The following PPP2R5B variants were observed in gnomAD, a reference collection of about 807,000 sequenced individuals.
PPP2R5B encodes the protein serine/threonine-protein phosphatase 2A 56 kDa regulatory subunit beta isoform.
A neutral mutation model predicts 59.9 loss-of-function variants in PPP2R5B; 19 were observed. That is an observed-to-expected ratio of 0.32 (90% confidence interval 0.22 to 0.47). The LOEUF is 0.47. Ranked by LOEUF, PPP2R5B falls within the 20% of genes least tolerant of loss-of-function variation. The pLI, the probability that PPP2R5B is intolerant of heterozygous loss-of-function variation, is 1.00. For missense variants in PPP2R5B, 441 were observed against 640.2 expected, an observed-to-expected ratio of 0.69 and a Z score of 3.36; for synonymous variants, 286 against 260.5, an observed-to-expected ratio of 1.10 and a Z score of -0.94.
In PPP2R5B at chr11:64,933,229, C is replaced by T; in HGVS notation, c.1329C>T (p.Tyr443=). The stretch of plus-strand genomic sequence containing the variant: ...TGTTTGATGAGCTCACAGCCTCCTA[C>T]AAGCTGGAAAAGCAGCAGTGAGTGT... The part of the protein sequence containing the change: ...GKLFDELTAS[Y]KLEKQQEQQK... The change falls in exon 13 of 14, where the codon TAC becomes TAT. Residue 443 remains tyrosine, a synonymous_variant. Transcript: ENST00000164133. 1 of 1,610,664 alleles carries T rather than the reference C, an allele frequency of 6.2e-7. No individual in the cohort carries two copies. The highest frequency in any genetic ancestry group is 8.5e-7 in the Non-Finnish European group (1 of 1,177,110).
rs1232259732 is a variant in PPP2R5B at position 64,925,958 on chromosome 11, G to A, written c.199+25G>A. 1 of 1,602,794 alleles carries A rather than the reference G, an allele frequency of 6.2e-7. No homozygotes were observed. The highest frequency in any genetic ancestry group is 8.5e-7 in the Non-Finnish European group (1 of 1,175,354). ...GGTGAGCTGGCTGCTGGCCACTGGG[G>A]GAACCGAACCCCCGAGGGGACCAGC... On this transcript the variant is annotated intron_variant, in intron 2 of 13. Transcript: ENST00000164133. The surrounding 1 kb of genome is among the most constrained non-coding windows in gnomAD (Gnocchi z 4.6).
chr11:64,933,099 A>T (rs780169167), intron 12 of PPP2R5B, 46 bp from the exon 13 acceptor site: 1 of 1,551,386 alleles, frequency 6.4e-7, no homozygotes. Flanking sequence ...AGAGGTGGGC[A>T]AACCAAAGCT....
At position 64,925,516 on chromosome 11, in the gene PPP2R5B, G is replaced by A; in HGVS notation, c.-219G>A. The A allele has an allele frequency of 1.9e-6, 1 of 521,866 alleles. No individual in the cohort carries two copies. The highest frequency in any genetic ancestry group is 2.4e-5 in the South Asian group (1 of 41,868). The allele number at this position is 521,866 out of a possible 1,614,324, so 32.3% of individuals were successfully genotyped here. A position where few individuals can be genotyped will look rare whatever the true frequency, so the allele number is the denominator to read the frequency against. On this transcript the variant is annotated 5_prime_UTR_variant, in exon 2 of 14. Transcript: ENST00000164133. The surrounding 1 kb of genome is among the most constrained non-coding windows in gnomAD (Gnocchi z 4.6). ...CTGGACTCTTCGGGACCCCCAGGAA[G>A]GATCTGAGGCCTGAGCCATCCTCCT...
rs749127314 is a variant in PPP2R5B, at chr11:64,930,466, C to T, written c.783-15C>T. 4 of 1,614,090 alleles carry T rather than the reference C, an allele frequency of 2.5e-6. No homozygotes were observed. Among genetic ancestry groups the T allele is most frequent in the Admixed American group, 1.7e-5 (1 of 60,032 alleles). ...GTCACCTGAGCCCTCTTCCTCTCTT[C>T]TGCCTCCTCCTCAGCATCATCAATG... On this transcript the variant is annotated splice_polypyrimidine_tract_variant and intron_variant, in intron 7 of 13. Transcript: ENST00000164133.
In PPP2R5B at chr11:64,925,805, C is replaced by A. The variant is rs1380096084; in HGVS notation, c.71C>A (p.Pro24Gln). Residue 24 changes from proline (P) to glutamine (Q), a missense_variant, in exon 2 of 14, where the codon CCA becomes CAA. By Grantham distance (76) the Pro-to-Gln change is moderately conservative. Coordinates refer to ENST00000164133, the MANE Select transcript of PPP2R5B (RefSeq NM_006244.4). The surrounding 1 kb of genome is among the most constrained non-coding windows in gnomAD (Gnocchi z 4.6). ...PSSPGLSPVPPPDKVDGFSRR... is the reference protein window; with the variant it reads ...PSSPGLSPVPQPDKVDGFSRR... Reference sequence around the variant, plus strand: ...TCCCCCGGGCTGTCGCCTGTGCCCCCACCCGACAAGGTGGACGGCTTCTCC... The same window carrying A: ...TCCCCCGGGCTGTCGCCTGTGCCCCAACCCGACAAGGTGGACGGCTTCTCC... The A allele has an allele frequency of 3.7e-6, 6 of 1,600,458 alleles. No homozygotes were observed. Among genetic ancestry groups the A allele is most frequent in the Admixed American group, 3.4e-5 (2 of 59,414 alleles).
In PPP2R5B at chr11:64,934,376, A is replaced by G. The variant is rs1014361207; in HGVS notation, c.*532A>G. 1 of 301,592 alleles carries G rather than the reference A, an allele frequency of 3.3e-6. No individual in the cohort carries two copies. The highest frequency in any genetic ancestry group is 6.3e-6 in the Non-Finnish European group (1 of 159,384). The allele number at this position is 301,592 out of a possible 1,614,324, so 18.7% of individuals were successfully genotyped here. A position where few individuals can be genotyped will look rare whatever the true frequency, so the allele number is the denominator to read the frequency against. The stretch of plus-strand genomic sequence containing the variant: ...GGGGAGGGGGAGGGCACAGGCAAGA[A>G]GAGATTCACAGTGTCCTGGGGTAAG... On this transcript the variant is annotated 3_prime_UTR_variant, in exon 14 of 14. Coordinates refer to ENST00000164133, the MANE Select transcript of PPP2R5B (RefSeq NM_006244.4).
chr11:64,930,406 G>GA (rs764974447), intron 7 of PPP2R5B, 25 bp downstream of exon 7: 49 of 1,613,820 alleles, frequency 3.0e-5, no homozygotes, highest in African/African-American at 5.3e-5. Flanking sequence ...GCCTCAGCTG[G>GA]AGCTCAGGAT....
chr11:64,931,360 G>A lies in PPP2R5B; in HGVS notation c.892-76G>A. The A allele has an allele frequency of 1.3e-6, 2 of 1,511,458 alleles. No individual in the cohort carries two copies. The highest frequency in any genetic ancestry group is 9.1e-7 in the Non-Finnish European group (1 of 1,094,446). 93.6% of individuals were successfully genotyped at this position (1,511,458 alleles called of 1,614,324 possible). On this transcript the variant is annotated intron_variant, in intron 8 of 13. Coordinates refer to ENST00000164133, the MANE Select transcript of PPP2R5B (RefSeq NM_006244.4). The surrounding 1 kb of genome is among the most constrained non-coding windows in gnomAD (Gnocchi z 5.0). ...GTGGGTGAGCAGTATTTGGCATTCTGTCCTGGACAGCAAGTCCTTGGCGCC... is the reference window on the plus strand; with the variant it reads ...GTGGGTGAGCAGTATTTGGCATTCTATCCTGGACAGCAAGTCCTTGGCGCC...
chr11:64,920,559 A>T (rs1209461857), upstream of PPP2R5B, among the ~76,000 whole-genome samples: 2 of 151,936 alleles, frequency 1.3e-5, no homozygotes, highest in Non-Finnish European at 2.9e-5. Context: ...TTCTCTTGGG[A>T]GGAAATGGGG....
In PPP2R5B at chr11:64,931,947, G is replaced by A. The variant is rs1945231843; in HGVS notation, c.1116+79G>A. On this transcript the variant is annotated intron_variant, in intron 11 of 13. Transcript: ENST00000164133. This position sits in a 1 kb window ranked among gnomAD's most constrained non-coding sequence, Gnocchi z 5.0. ...TAGCTGACCTAATAAAGCTCCCTTT[G>A]CCCTCAGTTTCTCCTCCAATCCCGG... 9.0e-6 allele frequency: 14 copies of A among 1,552,546 alleles called. No individual in the cohort carries two copies. The highest frequency in any genetic ancestry group is 1.2e-5 in the Non-Finnish European group (14 of 1,150,212).
rs933537553 is a variant in PPP2R5B at position 64,933,309 on chromosome 11, G to C, written c.1346+63G>C. ...AGCAGGGAGGAGTCAGACCCCCATGGCTGGAGGGAACCCGAGGACTACCCC... is the reference window on the plus strand; with the variant it reads ...AGCAGGGAGGAGTCAGACCCCCATGCCTGGAGGGAACCCGAGGACTACCCC... On this transcript the variant is annotated intron_variant, in intron 13 of 13. Transcript: ENST00000164133. 35 of 1,420,836 alleles carry C rather than the reference G, an allele frequency of 2.5e-5. No homozygotes were observed. The African/African-American group carries it at 2.8e-4, about 11-fold the overall frequency. The allele number at this position is 1,420,836 out of a possible 1,614,324, so 88.0% of individuals were successfully genotyped here.
Position 64,928,328 on chromosome 11 carries a change from G to T in PPP2R5B, c.625G>T (p.Glu209Ter). 6.2e-7 allele frequency: 1 copy of T among 1,614,174 alleles called. No homozygotes were observed. The highest frequency in any genetic ancestry group is 8.5e-7 in the Non-Finnish European group (1 of 1,180,028). ...LELFDSEDPR[E>*]REYLKTILHR... ...GCTATTTGATAGTGAGGATCCCCGG[G>T]AGCGTGAGTACCTCAAGACCATCCT... The change falls in exon 6 of 14, where the codon GAG becomes TAG. Residue 209 changes from glutamate to a stop codon, truncating the protein, a stop_gained. Coordinates refer to ENST00000164133, the MANE Select transcript of PPP2R5B (RefSeq NM_006244.4). LOFTEE classifies it high-confidence loss of function.
rs1945158835 is a variant in PPP2R5B at position 64,925,913 on chromosome 11, C to T, written c.179C>T (p.Thr60Ile). 6.2e-7 allele frequency: 1 copy of T among 1,611,730 alleles called. No individual in the cohort carries two copies. The highest frequency in any genetic ancestry group is 1.3e-5 in the African/African-American group (1 of 74,900). ...TATCAGAGCAACCAGCAAGAGCTCA[C>T]ACCGCTGCCCCTGCTCAAAGGTGAG... ...FRYQSNQQEL[T>I]PLPLLKDVPA... Residue 60 changes from threonine (T) to isoleucine (I), a missense_variant, in exon 2 of 14, where the codon ACA becomes ATA. Physicochemically the swap from Thr to Ile is moderately conservative, Grantham distance 89. Transcript: ENST00000164133. This position sits in a 1 kb window ranked among gnomAD's most constrained non-coding sequence, Gnocchi z 4.6.
intron 13 of PPP2R5B, among the ~76,000 whole-genome samples, 179 bp downstream of exon 13, chr11:64,933,425 G>A (rs903252544): frequency 4.6e-5 from 7 of 152,098 alleles, no homozygotes; most frequent in African/African-American, 1.4e-4. Flanking sequence ...GTCATTCTTC[G>A]AGTAGCTCAG....
rs1344626776 is a variant in PPP2R5B, at chr11:64,932,842, G to A, written c.1194G>A (p.Leu398=). 2 of 1,614,156 alleles carry A rather than the reference G, an allele frequency of 1.2e-6. No individual in the cohort carries two copies. Residue 398 remains leucine, a synonymous_variant, in exon 12 of 14, where the codon CTG becomes CTA. Transcript: ENST00000164133. ...SLIEDNCHTV[L]PAVFGTLYQV... ...TTGAGGACAACTGCCACACTGTGCT[G>A]CCTGCTGTGTTTGGGACCCTCTACC... is the stretch of plus-strand genomic sequence containing the variant.
At chr11:64,927,041 C>CG (rs200528156) in intron 3 of PPP2R5B, 133 bp downstream of exon 3, 11 of 1,067,308 alleles carry the variant, frequency 1.0e-5, no homozygotes, top group South Asian at 6.2e-5. Context: ...CTTCCTTCCC[C>CG]CCGACCTGCT....
upstream of PPP2R5B, among the ~76,000 whole-genome samples, chr11:64,919,824 T>C (rs181298680): frequency 6.6e-6 from 1 of 152,338 alleles, no homozygotes; most frequent in Admixed American, 6.5e-5. Context: ...TCTGCTCTGC[T>C]GTTCACCATA....
At position 64,934,247 on chromosome 11, in the gene PPP2R5B, T is replaced by C; in HGVS notation, c.*403T>C. Reference sequence around the variant, plus strand: ...TCCCCACCATGGGGTCCATGGTCTATTTATTCTCGCCCAGCTCACCCTCTA... The same window carrying C: ...TCCCCACCATGGGGTCCATGGTCTACTTATTCTCGCCCAGCTCACCCTCTA... On this transcript the variant is annotated 3_prime_UTR_variant, in exon 14 of 14. Coordinates refer to ENST00000164133, the MANE Select transcript of PPP2R5B (RefSeq NM_006244.4). 1 of 218,906 alleles carries C rather than the reference T, an allele frequency of 4.6e-6. No homozygotes were observed. The highest frequency in any genetic ancestry group is 9.0e-6 in the Non-Finnish European group (1 of 110,606). The allele number at this position is 218,906 out of a possible 1,614,324, so 13.6% of individuals were successfully genotyped here.
intron 5 of PPP2R5B, 24 bp from the exon 6 acceptor site, chr11:64,928,271 T>C: frequency 6.2e-7 from 1 of 1,613,324 alleles, no homozygotes; most frequent in Non-Finnish European, 8.5e-7. Context: ...ACCCTGACCC[T>C]GACCCTGACT....
Sources: allele counts gnomAD v4.1 joint callset (sites outside exome capture counted in the v4.1 genomes callset), GRCh38; gene constraint gnomAD v4.1.1; non-coding constraint Gnocchi (gnomAD v3.1); transcripts MANE v1.5; gene names NCBI Gene and HGNC (gene_info 2026-07-23, HGNC 2026-07-21).